The following GRM5 variants were observed in gnomAD, a reference collection of about 807,000 sequenced individuals.
GRM5 encodes metabotropic glutamate receptor 5.
GRM5 carries 19 observed loss-of-function variants against 83.1 expected under a neutral mutation model. That is an observed-to-expected ratio of 0.23 (90% CI 0.16 to 0.34). The LOEUF (loss-of-function observed/expected upper bound fraction) is 0.34. Ranked by LOEUF, GRM5 falls within the 10% of genes least tolerant of loss-of-function variation. The pLI, the probability that GRM5 is intolerant of heterozygous loss-of-function variation, is 1.00. For synonymous variants in GRM5, 675 were observed against 633.6 expected (o/e 1.07, Z -0.98); for missense variants, 1,160 against 1,588.3 (o/e 0.73, Z 4.58).
At chr11:88,722,444 G>A (rs760202967) in intron 3 of GRM5, among the ~76,000 whole-genome samples, 13 of 152,084 alleles carry the variant, frequency 8.5e-5, no homozygotes, top group Non-Finnish European at 1.5e-4. Flanking sequence ...GGGAGAACTC[G>A]GAAGTGAGAG....
chr11:88,613,508 G>A (rs1938384756), intron 4 of GRM5, among the ~76,000 whole-genome samples: 1 of 152,088 alleles, frequency 6.6e-6, no homozygotes, highest in African/African-American at 2.4e-5. Context: ...AGCTACCCCT[G>A]CAGTTTTTTG....
chr11:88,649,984 A>T (rs1370776621), intron 4 of GRM5, among the ~76,000 whole-genome samples: 2 of 151,858 alleles, frequency 1.3e-5, no homozygotes, highest in Non-Finnish European at 2.9e-5. Flanking sequence ...TTGCAAAAAA[A>T]ATTCTGAAGG....
In GRM5 at chr11:88,956,310, A is replaced by C. The variant is rs1742127185; in HGVS notation, c.661+90902T>G. On this transcript the variant is annotated intron_variant, in intron 2 of 9. Transcript: ENST00000305447. ...AATAACATTAAAATCTTAGTGATAGACGATATTTATCATGGTACACTGATT... is the reference window on the plus strand; with the variant it reads ...AATAACATTAAAATCTTAGTGATAGCCGATATTTATCATGGTACACTGATT... 2.0e-5 allele frequency among the ~76,000 whole-genome samples: 3 copies of C among 152,238 alleles called. No individual in the cohort carries two copies. In the South Asian group the frequency reaches 6.2e-4, roughly 31 times the overall value.
chr11:88,672,057 A>T (rs896891078), intron 3 of GRM5, among the ~76,000 whole-genome samples: 2 of 152,080 alleles, frequency 1.3e-5, no homozygotes, highest in African/African-American at 4.8e-5. Flanking sequence ...ATTCATCATT[A>T]ATTCATTTCA....
chr11:89,053,694 A>C (rs994383545), intron 1 of GRM5, among the ~76,000 whole-genome samples: 3 of 143,784 alleles, frequency 2.1e-5, no homozygotes, highest in African/African-American at 5.2e-5. Context: ...AAAAAAAAAA[A>C]ACAAAATGCA....
intron 8 of GRM5, among the ~76,000 whole-genome samples, chr11:88,555,686 C>T (rs977187768): frequency 2.2e-4 from 34 of 152,082 alleles, no homozygotes; most frequent in African/African-American, 7.7e-4. Context: ...AATGTGCTGT[C>T]GTGATGCCAC....
At chr11:88,703,979 T>C (rs1941095052) in intron 3 of GRM5, among the ~76,000 whole-genome samples, 1 of 152,030 alleles carries the variant, frequency 6.6e-6, no homozygotes, top group South Asian at 2.1e-4. Context: ...TACTGGAGGC[T>C]AGGGAGTCCA....
intron 2 of GRM5, among the ~76,000 whole-genome samples, chr11:88,951,282 T>C (rs1342574998): frequency 6.6e-6 from 1 of 152,180 alleles, no homozygotes; most frequent in Non-Finnish European, 1.5e-5. Context: ...GTAAGAACTA[T>C]GAGGTAAGAA....
chr11:89,028,236 A>C (rs1426868731), intron 2 of GRM5, among the ~76,000 whole-genome samples: 5 of 152,264 alleles, frequency 3.3e-5, no homozygotes, highest in Middle Eastern at 3.4e-3. Flanking sequence ...ATTATAACTA[A>C]CATCCACGCA....
At chr11:89,033,870 A>C (rs184515438) in intron 2 of GRM5, among the ~76,000 whole-genome samples, 2 of 152,096 alleles carry the variant, frequency 1.3e-5, no homozygotes, top group East Asian at 1.9e-4. Flanking sequence ...AGAAAAAAAC[A>C]GGAATAAAAA....
intron 3 of GRM5, among the ~76,000 whole-genome samples, chr11:88,682,170 T>A (rs1411119001): frequency 6.6e-6 from 1 of 152,184 alleles, no homozygotes; most frequent in East Asian, 1.9e-4. Flanking sequence ...ATCATCTCTA[T>A]TGATATTGAT....
At chr11:88,918,924 TA>T (rs1945640570) in intron 2 of GRM5, among the ~76,000 whole-genome samples, 1 of 149,304 alleles carries the variant, frequency 6.7e-6, no homozygotes, top group African/African-American at 2.5e-5. Context: ...ATCAAAAAAT[TA>T]AAACATACCA....
At chr11:88,533,374 T>G (rs1942060256) in intron 8 of GRM5, among the ~76,000 whole-genome samples, 2 of 152,184 alleles carry the variant, frequency 1.3e-5, no homozygotes, top group Non-Finnish European at 2.9e-5. Context: ...AAAGCTTACT[T>G]CTTTCAAATT....
chr11:88,571,233 A>C (rs1942994209), intron 7 of GRM5, among the ~76,000 whole-genome samples: 1 of 152,180 alleles, frequency 6.6e-6, no homozygotes, highest in Admixed American at 6.5e-5. Flanking sequence ...GCTTATTAAC[A>C]TCTGTGTGAA....
intron 2 of GRM5, among the ~76,000 whole-genome samples, chr11:88,956,585 T>C (rs1378547891): frequency 6.6e-6 from 1 of 150,470 alleles, no homozygotes; most frequent in Non-Finnish European, 1.5e-5. Flanking sequence ...GGCGGGCAGA[T>C]CACGAGGTCA....
chr11:88,510,989 C>T lies in GRM5; in HGVS notation c.2727-1485G>A, dbSNP rs1941354400. On this transcript the variant is annotated intron_variant, in intron 9 of 9. Transcript: ENST00000305447. The stretch of plus-strand genomic sequence containing the variant: ...AAGAAGTTGAAGACTACAGTTTTAT[C>T]ATCACAGCCTATGGTTATTAAACTA... Among the ~76,000 whole-genome samples the T allele has an allele frequency of 2.0e-5, 3 of 152,198 alleles. No individual in the cohort carries two copies. In the South Asian group the frequency reaches 6.2e-4, roughly 32 times the overall value.
intron 4 of GRM5, among the ~76,000 whole-genome samples, chr11:88,638,534 T>C (rs1170883460): frequency 6.6e-6 from 1 of 152,120 alleles, no homozygotes; most frequent in Non-Finnish European, 1.5e-5. Context: ...TCTTTACTTT[T>C]CTGGTAGAGT....
At chr11:88,624,575 G>T (rs1215852778) in intron 4 of GRM5, among the ~76,000 whole-genome samples, 1 of 152,136 alleles carries the variant, frequency 6.6e-6, no homozygotes. Flanking sequence ...CCAGTGCTTT[G>T]GGGGACCAAG....
chr11:88,540,772 G>T (rs551064008), intron 8 of GRM5, among the ~76,000 whole-genome samples: 2 of 151,592 alleles, frequency 1.3e-5, no homozygotes, highest in African/African-American at 4.8e-5. Context: ...ACAGAGTCTC[G>T]CTCTGTCATC....
Sources: allele counts gnomAD v4.1 joint callset (sites outside exome capture counted in the v4.1 genomes callset), GRCh38; gene constraint gnomAD v4.1.1; transcripts MANE v1.5; gene names NCBI Gene and HGNC (gene_info 2026-07-23, HGNC 2026-07-21).